The following FRMD4B variants were observed in gnomAD, a reference collection of about 807,000 sequenced individuals.
FRMD4B encodes the protein FERM domain containing 4B.
Under a neutral mutation model 141.5 loss-of-function variants are expected in FRMD4B, and 74 were observed. That is an observed-to-expected ratio of 0.52 (90% confidence interval 0.43 to 0.63). The LOEUF is 0.63. Ranked by LOEUF, FRMD4B falls within the 30% of genes least tolerant of loss-of-function variation. FRMD4B has a pLI of 0.00. For synonymous variants in FRMD4B, 506 were observed against 467.9 expected (o/e 1.08, Z -1.05); for missense variants, 1,366 against 1,253.4 (o/e 1.09, Z -1.36).
intron 2 of FRMD4B, among the ~76,000 whole-genome samples, chr3:69,414,595 G>A (rs1438015043): frequency 1.3e-5 from 2 of 151,662 alleles, no homozygotes; most frequent in African/African-American, 2.4e-5. Context: ...GATTAGGGTT[G>A]AATCAATAGA....
chr3:69,392,447 C>T (rs572543399), intron 2 of FRMD4B, among the ~76,000 whole-genome samples: 3 of 152,012 alleles, frequency 2.0e-5, no homozygotes, highest in Admixed American at 1.3e-4. Context: ...GAGGACAATG[C>T]TTGTGGCAAG....
At chr3:69,262,101 G>A (rs1413371057) in intron 5 of FRMD4B, among the ~76,000 whole-genome samples, 2 of 151,680 alleles carry the variant, frequency 1.3e-5, no homozygotes, top group Non-Finnish European at 2.9e-5. Context: ...TGAGTAGCTG[G>A]AATTTCAGGC....
At chr3:69,196,419 A>G (rs1471614648) in intron 13 of FRMD4B, 23 bp from the exon 14 acceptor site, 1 of 1,576,856 alleles carries the variant, frequency 6.3e-7, no homozygotes, top group Non-Finnish European at 8.7e-7. Context: ...CAACAATGAA[A>G]CAGAATTAAC....
chr3:69,249,625 C>G (rs2093448394), intron 6 of FRMD4B, among the ~76,000 whole-genome samples: 1 of 152,134 alleles, frequency 6.6e-6, no homozygotes, highest in African/African-American at 2.4e-5. Context: ...TTTCCCTTTA[C>G]TTTTTAAACC....
chr3:69,351,437 T>C (rs1703147236), intron 1 of FRMD4B, among the ~76,000 whole-genome samples: 1 of 151,844 alleles, frequency 6.6e-6, no homozygotes, highest in African/African-American at 2.4e-5. Flanking sequence ...AGTGTTTTAG[T>C]ATGGTTTTAC....
intron 7 of FRMD4B, among the ~76,000 whole-genome samples, chr3:69,236,207 A>G (rs2093344602): frequency 6.7e-6 from 1 of 149,802 alleles, no homozygotes; most frequent in South Asian, 2.1e-4. Flanking sequence ...TTAGGGTTTT[A>G]TTGTTGTTGT....
At chr3:69,195,513 A>C in intron 14 of FRMD4B, 149 bp from the exon 15 acceptor site, 1 of 661,974 alleles carries the variant, frequency 1.5e-6, no homozygotes, top group Non-Finnish European at 2.4e-6. Context: ...GGAAACTGGA[A>C]AACATTTTCT....
At chr3:69,269,708 G>A (rs2093585576) in intron 5 of FRMD4B, among the ~76,000 whole-genome samples, 4 of 152,106 alleles carry the variant, frequency 2.6e-5, no homozygotes, top group Non-Finnish European at 1.5e-5. Flanking sequence ...GCAGTGGCAC[G>A]ATCTCGGCTC....
Position 69,193,630 on chromosome 3 carries a change from A to G in FRMD4B, c.1714+18T>C. 7.0e-7 allele frequency: 1 copy of G among 1,432,732 alleles called. No homozygotes were observed. The highest frequency in any genetic ancestry group is 1.2e-5 in the South Asian group (1 of 81,760). 88.8% of individuals were successfully genotyped at this position (1,432,732 alleles called of 1,614,324 possible). On this transcript the variant is annotated intron_variant, in intron 17 of 22. Transcript: ENST00000398540. The stretch of plus-strand genomic sequence containing the variant: ...CTGAGTAGGGGACTCAAAAAAAAAA[A>G]CCTTACTTATTACTAACCTGGTAAC...
At chr3:69,323,601 T>C (rs952686196) in intron 1 of FRMD4B, among the ~76,000 whole-genome samples, 17 of 122,814 alleles carry the variant, frequency 1.4e-4, no homozygotes, top group Admixed American at 7.8e-4. Flanking sequence ...TCTCTCTCTC[T>C]CTCTGTGTAT....
intron 1 of FRMD4B, among the ~76,000 whole-genome samples, chr3:69,364,634 T>A (rs1378870540): frequency 6.6e-6 from 1 of 152,158 alleles, no homozygotes; most frequent in Non-Finnish European, 1.5e-5. Context: ...GTTTCAATCA[T>A]CTCCTGAGTA....
intron 11 of FRMD4B, among the ~76,000 whole-genome samples, chr3:69,202,932 A>T (rs1251611907): frequency 6.6e-6 from 1 of 152,156 alleles, no homozygotes; most frequent in Non-Finnish European, 1.5e-5. Context: ...CAGGAGGAGA[A>T]TATCTTAAGG....
At chr3:69,495,119 A>G (rs1334362414) in intron 1 of FRMD4B, among the ~76,000 whole-genome samples, 1 of 152,212 alleles carries the variant, frequency 6.6e-6, no homozygotes, top group African/African-American at 2.4e-5. Flanking sequence ...AGCTCAAGTC[A>G]GGCCCATAGT....
chr3:69,241,779 G>A (rs528262483), intron 7 of FRMD4B, among the ~76,000 whole-genome samples: 40 of 152,128 alleles, frequency 2.6e-4, no homozygotes, highest in Non-Finnish European at 4.7e-4. Flanking sequence ...ATTTCAAGAA[G>A]AATTGCTTGA....
chr3:69,413,082 C>T (rs1032722827), intron 2 of FRMD4B, among the ~76,000 whole-genome samples: 2 of 151,922 alleles, frequency 1.3e-5, no homozygotes, highest in South Asian at 2.1e-4. Context: ...CATTGCTATA[C>T]TCTTGATACG....
At chr3:69,411,696 T>G (rs1704763858) in intron 2 of FRMD4B, among the ~76,000 whole-genome samples, 2 of 152,190 alleles carry the variant, frequency 1.3e-5, no homozygotes, top group African/African-American at 4.8e-5. Flanking sequence ...AAGTAGTGAG[T>G]AATTTACAAT....
chr3:69,538,302 G>C (rs1701114823), intron 1 of FRMD4B, among the ~76,000 whole-genome samples: 1 of 151,996 alleles, frequency 6.6e-6, no homozygotes, highest in African/African-American at 2.4e-5. Context: ...CCATATGTAA[G>C]AAAAAAATAT....
intron 1 of FRMD4B, among the ~76,000 whole-genome samples, chr3:69,383,947 GT>G (rs34086473): frequency 0.5 from 76,550 of 151,616 alleles, 19,567 homozygotes; most frequent in East Asian, 0.61. Context: ...AAAATAAGGA[GT>G]GGGGACTTAT....
At position 69,241,044 on chromosome 3, in the gene FRMD4B, A is replaced by C. The variant is rs1341106964; in HGVS notation, c.581+8182T>G. Reference sequence around the variant, plus strand: ...TATGATGGGTGTAACGGCCTGGTCCACTCCAGTGGAGAAAGAAACTGAGAA... The same window carrying C: ...TATGATGGGTGTAACGGCCTGGTCCCCTCCAGTGGAGAAAGAAACTGAGAA... On this transcript the variant is annotated intron_variant, in intron 7 of 22. Transcript: ENST00000398540. Among the ~76,000 whole-genome samples, 5 of 152,238 alleles carry C rather than the reference A, an allele frequency of 3.3e-5. No homozygotes were observed. The East Asian group carries it at 9.6e-4, about 29-fold the overall frequency.
Sources: allele counts gnomAD v4.1 joint callset (sites outside exome capture counted in the v4.1 genomes callset), GRCh38; gene constraint gnomAD v4.1.1; transcripts MANE v1.5; gene names NCBI Gene and HGNC (gene_info 2026-07-23, HGNC 2026-07-21).